ANTXR2: variants seen among roughly 807,000 people sequenced by gnomAD.
The protein encoded by ANTXR2 is anthrax toxin receptor 2.
A neutral mutation model predicts 73.7 loss-of-function variants in ANTXR2; 44 were observed. The ratio of observed to expected loss-of-function variants is 0.60; its 90% CI spans 0.47 to 0.77. The LOEUF is 0.77. Ranked by LOEUF, ANTXR2 falls within the 30% of genes least tolerant of loss-of-function variation. The pLI, the probability that ANTXR2 is intolerant of heterozygous loss-of-function variation, is 0.00. For missense variants in ANTXR2, 604 were observed against 592.5 expected (o/e 1.02, Z -0.20); for synonymous variants, 217 against 205.9 (o/e 1.05, Z -0.46).
At chr4:80,025,614 A>G (rs1321341700) in intron 10 of ANTXR2, among the ~76,000 whole-genome samples, 2 of 152,188 alleles carry the variant, frequency 1.3e-5, no homozygotes, top group African/African-American at 4.8e-5. Flanking sequence ...ATCAAGTGAT[A>G]CTATTTAATG....
intron 16 of ANTXR2, among the ~76,000 whole-genome samples, chr4:79,919,020 C>T (rs1727465018): frequency 6.6e-6 from 1 of 151,056 alleles, no homozygotes; most frequent in Middle Eastern, 3.4e-3. Flanking sequence ...CCTGAGCAAG[C>T]AATGAAAAAC....
At position 79,919,863 on chromosome 4, in the gene ANTXR2, T is replaced by TAATATA. The variant is rs1491209102; in HGVS notation, c.1429-12397_1429-12396insTATATT. Among the ~76,000 whole-genome samples the TAATATA allele has an allele frequency of 6.1e-3, 28 of 4,584 alleles. 2 individuals are homozygous for TAATATA. In the East Asian group the frequency reaches 0.081, roughly 13 times the overall value. 3.0% of individuals were successfully genotyped at this position (4,584 alleles called of 152,430 possible). A position where few individuals can be genotyped will look rare whatever the true frequency, so the allele number is the denominator to read the frequency against. ...TCCCTCTAGAGAATCCTAATACATA[T>TAATATA]TTTATATATATATATATATATATAT... On this transcript the variant is annotated intron_variant, in intron 16 of 16. Coordinates refer to ENST00000403729, the MANE Select transcript of ANTXR2 (RefSeq NM_058172.6).
chr4:80,025,970 T>C (rs1732416444), intron 10 of ANTXR2, among the ~76,000 whole-genome samples: 1 of 152,162 alleles, frequency 6.6e-6, no homozygotes, highest in African/African-American at 2.4e-5. Context: ...ATAAGCACTT[T>C]CCATTTGCTG....
At chr4:79,955,962 A>G (rs1728870397) in intron 16 of ANTXR2, among the ~76,000 whole-genome samples, 1 of 152,286 alleles carries the variant, frequency 6.6e-6, no homozygotes, top group East Asian at 1.9e-4. Context: ...GCAATGTGCA[A>G]TTCCTGGAAT....
intron 16 of ANTXR2, among the ~76,000 whole-genome samples, chr4:79,957,060 T>C (rs1451351243): frequency 6.6e-6 from 1 of 152,146 alleles, no homozygotes; most frequent in Non-Finnish European, 1.5e-5. Flanking sequence ...TGCTATATCA[T>C]AATTTTTATG....
chr4:79,927,361 G>A (rs1727862677), intron 16 of ANTXR2, among the ~76,000 whole-genome samples: 1 of 151,662 alleles, frequency 6.6e-6, no homozygotes, highest in African/African-American at 2.4e-5. Context: ...ATGTTGATCT[G>A]TTTTGCTGTA....
Position 79,903,180 on chromosome 4 carries a change from A to G in ANTXR2, c.*4249T>C, listed in dbSNP as rs1726774561. 1 of 152,234 alleles carries G rather than the reference A, an allele frequency of 6.6e-6. No homozygotes were observed. Among genetic ancestry groups the G allele is most frequent in the Non-Finnish European group, 1.5e-5 (1 of 68,152 alleles). The allele number at this position is 152,234 out of a possible 1,614,324, so 9.4% of individuals were successfully genotyped here. A position where few individuals can be genotyped will look rare whatever the true frequency, so the allele number is the denominator to read the frequency against. ...AAGAAAAAAAATCTAGTCAGTGCTA[A>G]AAGGAACTTTTGATATCTTCATTCC... On this transcript the variant is annotated 3_prime_UTR_variant, in exon 17 of 17. Transcript: ENST00000403729.
At chr4:80,043,581 A>C (rs1342957349) in intron 7 of ANTXR2, among the ~76,000 whole-genome samples, 1 of 152,066 alleles carries the variant, frequency 6.6e-6, no homozygotes, top group Admixed American at 6.6e-5. Flanking sequence ...TACAGTTCAG[A>C]TAAGCAAAAT....
intron 8 of ANTXR2, among the ~76,000 whole-genome samples, chr4:80,034,077 A>T (rs1732840496): frequency 3.3e-5 from 5 of 152,036 alleles, no homozygotes; most frequent in Admixed American, 3.3e-4. Flanking sequence ...CCACTTCTTC[A>T]CCTTACTAAT....
At chr4:80,022,824 A>G (rs950228794) in intron 10 of ANTXR2, among the ~76,000 whole-genome samples, 6 of 152,176 alleles carry the variant, frequency 3.9e-5, no homozygotes, top group African/African-American at 7.2e-5. Flanking sequence ...TTTGGGCGAA[A>G]CTGGAGTCCT....
intron 9 of ANTXR2, among the ~76,000 whole-genome samples, chr4:80,032,988 A>C (rs1304018580): frequency 2.6e-5 from 4 of 151,930 alleles, no homozygotes; most frequent in Non-Finnish European, 2.9e-5. Context: ...AATTAGATAA[A>C]GAAAACAAGT....
intron 16 of ANTXR2, among the ~76,000 whole-genome samples, chr4:79,911,448 T>C (rs1727133130): frequency 2.0e-5 from 3 of 151,914 alleles, no homozygotes; most frequent in Non-Finnish European, 4.4e-5. Flanking sequence ...AAATGTAACC[T>C]AAATATATAG....
chr4:80,068,505 A>G (rs1380446497), intron 3 of ANTXR2, among the ~76,000 whole-genome samples: 1 of 152,152 alleles, frequency 6.6e-6, no homozygotes, highest in African/African-American at 2.4e-5. Context: ...GTGGTGGCTC[A>G]CACCTATAAT....
In ANTXR2 at chr4:79,915,829, C is replaced by CCTCT. The variant is rs71596772; in HGVS notation, c.1429-8366_1429-8363dup. ...CTCTGTCTCTGTCTCTGTCTCTCTCCCTCTCTCTCTCTCTCTCTCTCTCTC... is the reference window on the plus strand; with the variant it reads ...CTCTGTCTCTGTCTCTGTCTCTCTCCCTCTCTCTCTCTCTCTCTCTCTCTCTCTC... On this transcript the variant is annotated intron_variant, in intron 16 of 16. Coordinates refer to ENST00000403729, the MANE Select transcript of ANTXR2 (RefSeq NM_058172.6). Among the ~76,000 whole-genome samples, 759 of 132,954 alleles carry CCTCT rather than the reference C, an allele frequency of 5.7e-3. 4 individuals carry two copies. Among genetic ancestry groups the CCTCT allele is most frequent in the Non-Finnish European group, 7.1e-3 (446 of 62,820 alleles). 87.2% of individuals were successfully genotyped at this position (132,954 alleles called of 152,430 possible).
chr4:79,913,986 T>G (rs541534651), intron 16 of ANTXR2, among the ~76,000 whole-genome samples: 1 of 152,202 alleles, frequency 6.6e-6, no homozygotes, highest in Non-Finnish European at 1.5e-5. Context: ...GTAAACTATC[T>G]GTATATATAG....
chr4:79,985,008 C>T, intron 12 of ANTXR2, 145 bp from the exon 13 acceptor site: 1 of 677,972 alleles, frequency 1.5e-6, no homozygotes, highest in Non-Finnish European at 2.5e-6. Flanking sequence ...TTATGCCCCT[C>T]TCTTTGAATC....
intron 16 of ANTXR2, among the ~76,000 whole-genome samples, chr4:79,914,497 C>T (rs187652211): frequency 3.9e-5 from 6 of 152,116 alleles, no homozygotes; most frequent in African/African-American, 7.2e-5. Flanking sequence ...TTCTCAGTCA[C>T]GGAGAATATC....
chr4:79,909,707 C>T (rs182755929), intron 16 of ANTXR2, among the ~76,000 whole-genome samples: 1 of 152,014 alleles, frequency 6.6e-6, no homozygotes, highest in Admixed American at 6.6e-5. Flanking sequence ...TTTTAACACA[C>T]ACCCGTTAAC....
intron 16 of ANTXR2, among the ~76,000 whole-genome samples, chr4:79,919,547 T>C (rs148329120): frequency 1.3e-5 from 2 of 152,146 alleles, no homozygotes; most frequent in East Asian, 2.0e-4. Flanking sequence ...TAGAAGGACA[T>C]GGAAAGACTA....
Sources: gnomAD v4.1 joint callset for allele counts (sites outside exome capture counted in the v4.1 genomes callset) on GRCh38, gnomAD v4.1.1 for gene constraint, MANE v1.5 for transcripts, NCBI Gene and HGNC (gene_info 2026-07-23, HGNC 2026-07-21) for gene names.